CALN1: variants seen among roughly 807,000 people sequenced by gnomAD.
CALN1 encodes the protein calneuron 1.
A neutral mutation model predicts 30.6 loss-of-function variants in CALN1; 17 were observed. The ratio of observed to expected loss-of-function variants is 0.56; its 90% CI spans 0.38 to 0.83. The LOEUF (loss-of-function observed/expected upper bound fraction) is 0.83, where lower values mean the gene tolerates loss of function less well. Ranked by LOEUF, CALN1 falls within the 40% of genes least tolerant of loss-of-function variation. The probability of loss-of-function intolerance (pLI) is 0.00; values close to 1 mark genes in which losing one functional copy is unlikely to be tolerated. For synonymous variants in CALN1, 156 were observed against 131.4 expected (o/e 1.19, Z -1.28); for missense variants, 291 against 354.9 (o/e 0.82, Z 1.45).
rs559839727 is a variant in CALN1, at chr7:71,917,231, A to G, written c.501+106426T>C. Among the ~76,000 whole-genome samples, 16 of 152,332 alleles carry G rather than the reference A, an allele frequency of 1.1e-4. No homozygotes were observed. In the South Asian group the frequency reaches 3.3e-3, roughly 32 times the overall value. On this transcript the variant is annotated intron_variant, in intron 5 of 6. Coordinates refer to ENST00000395275, the MANE Select transcript of CALN1 (RefSeq NM_031468.4). ...CCATCAAAGGCTGAGGAACTTTCAGAAACAACAGGATGAGGCAGGTTGCCA... is the reference window on the plus strand; with the variant it reads ...CCATCAAAGGCTGAGGAACTTTCAGGAACAACAGGATGAGGCAGGTTGCCA...
intron 2 of CALN1, among the ~76,000 whole-genome samples, chr7:72,283,163 G>C (rs965443521): frequency 3.3e-5 from 5 of 151,964 alleles, no homozygotes; most frequent in African/African-American, 1.2e-4. Flanking sequence ...ACCTCTGTAA[G>C]CCTGTCTCCT....
In CALN1 at chr7:72,405,037, G is replaced by A. The variant is rs1806605396; in HGVS notation, c.-73-1595C>T. Among the ~76,000 whole-genome samples, 6 of 152,288 alleles carry A rather than the reference G, an allele frequency of 3.9e-5. No homozygotes were observed. The South Asian group carries it at 1.2e-3, about 32-fold the overall frequency. On this transcript the variant is annotated intron_variant, in intron 1 of 6. Transcript: ENST00000395275. ...CTCAGAGCTGGACCAGATGGTGTCT[G>A]GGTGCCCCAACCTCCGAGGTCTCTG...
chr7:72,184,636 TTTCTGG>T (rs1790054347), intron 3 of CALN1, among the ~76,000 whole-genome samples: 1 of 152,154 alleles, frequency 6.6e-6, no homozygotes, highest in South Asian at 2.1e-4. Flanking sequence ...GATGAGTGAT[TTTCTGG>T]TTCTTTTTCC....
chr7:72,499,826 CTTCTTTCTTTCT>C, the CALN1 span, among the ~76,000 whole-genome samples: 766 of 52,882 alleles, frequency 0.014, 10 homozygotes, highest in Middle Eastern at 0.036. Flanking sequence ...TCCTTCCTTC[CTTCTTTCTTTCT>C]TTCTTTCTTT....
intron 3 of CALN1, among the ~76,000 whole-genome samples, chr7:72,227,733 T>A (rs1041344625): frequency 6.6e-6 from 1 of 151,022 alleles, no homozygotes; most frequent in African/African-American, 2.4e-5. Flanking sequence ...ACCCTCTGAA[T>A]CTAAAATAAA....
At chr7:72,432,812 A>G (rs1159313354) in intron 1 of CALN1, among the ~76,000 whole-genome samples, 1 of 152,214 alleles carries the variant, frequency 6.6e-6, no homozygotes, top group Non-Finnish European at 1.5e-5. Context: ...AGCAAGCACC[A>G]GCTCTCACAT....
At chr7:71,986,171 C>CTGAGCAGCTGGGACCACAGGCATGTG (rs1364587802) in intron 5 of CALN1, among the ~76,000 whole-genome samples, 5 of 152,112 alleles carry the variant, frequency 3.3e-5, no homozygotes, top group African/African-American at 9.7e-5. Flanking sequence ...CGTCAGCCTC[C>CTGAGCAGCTGGGACCACAGGCATGTG]CGAGCAGCTG....
At chr7:71,996,068 G>C (rs1451435713) in intron 5 of CALN1, among the ~76,000 whole-genome samples, 2 of 152,090 alleles carry the variant, frequency 1.3e-5, no homozygotes, top group Non-Finnish European at 2.9e-5. Context: ...AAACCAGGCT[G>C]GCTAATAGAG....
the CALN1 span, among the ~76,000 whole-genome samples, chr7:72,472,812 C>G: frequency 2.6e-5 from 4 of 152,112 alleles, no homozygotes; most frequent in Non-Finnish European, 4.4e-5. Context: ...GTGTGTCACT[C>G]AGCCCAAACA....
chr7:72,399,715 T>TAC (rs1806211793), intron 2 of CALN1, among the ~76,000 whole-genome samples: 1 of 152,148 alleles, frequency 6.6e-6, no homozygotes, highest in African/African-American at 2.4e-5. Flanking sequence ...GAATAAGACA[T>TAC]ACATCTAATA....
chr7:72,222,501 T>C (rs370866696), intron 3 of CALN1, among the ~76,000 whole-genome samples: 12 of 152,200 alleles, frequency 7.9e-5, no homozygotes, highest in African/African-American at 2.9e-4. Flanking sequence ...AGGAGGATGG[T>C]GCTAAACCAT....
At chr7:71,820,050 T>A (rs1038681832) in intron 5 of CALN1, among the ~76,000 whole-genome samples, 8 of 152,340 alleles carry the variant, frequency 5.3e-5, no homozygotes, top group African/African-American at 1.9e-4. Context: ...AATGTTTCAA[T>A]TAACTAACAT....
chr7:72,178,651 T>G (rs1255584697), intron 3 of CALN1, among the ~76,000 whole-genome samples: 4 of 149,974 alleles, frequency 2.7e-5, no homozygotes, highest in Non-Finnish European at 5.9e-5. Flanking sequence ...ATCGCACTAA[T>G]GCACTCCAGC....
intron 2 of CALN1, among the ~76,000 whole-genome samples, chr7:72,332,342 C>G (rs1055283849): frequency 9.2e-5 from 14 of 151,752 alleles, no homozygotes; most frequent in African/African-American, 3.1e-4. Context: ...GTGGTAACTT[C>G]TGGGTGGTTG....
intron 3 of CALN1, among the ~76,000 whole-genome samples, chr7:72,274,450 G>A (rs965135381): frequency 4.0e-5 from 6 of 150,836 alleles, no homozygotes; most frequent in Non-Finnish European, 8.8e-5. Context: ...GGAGGTTGCA[G>A]TGAGCAAAGA....
chr7:72,238,680 GC>G (rs1386709943), intron 3 of CALN1, among the ~76,000 whole-genome samples: 1 of 152,070 alleles, frequency 6.6e-6, no homozygotes, highest in Non-Finnish European at 1.5e-5. Flanking sequence ...TTTTTAAGGG[GC>G]TTTTCCCCTC....
In CALN1 at chr7:72,384,466, G is replaced by C. The variant is rs559679236; in HGVS notation, c.119+18785C>G. On this transcript the variant is annotated intron_variant, in intron 2 of 6. Transcript: ENST00000395275. ...GAACTTATACCTTTTTATTAATTTG[G>C]GTTAATGAAAATTAATTCAAAATGG... 8.5e-5 allele frequency among the ~76,000 whole-genome samples: 13 copies of C among 152,108 alleles called. No homozygotes were observed. In the South Asian group the frequency reaches 2.3e-3, roughly 27 times the overall value.
chr7:72,109,884 G>A (rs1387798252), intron 3 of CALN1, among the ~76,000 whole-genome samples: 1 of 152,122 alleles, frequency 6.6e-6, no homozygotes, highest in African/African-American at 2.4e-5. Flanking sequence ...CTGAAAAAAT[G>A]GGTTAGGTGT....
intron 5 of CALN1, among the ~76,000 whole-genome samples, chr7:72,009,191 T>C (rs2129529082): frequency 6.6e-6 from 1 of 152,316 alleles, no homozygotes. Flanking sequence ...ACAGAATTTA[T>C]TATACATCAC....
Sources: gnomAD v4.1 joint callset for allele counts (sites outside exome capture counted in the v4.1 genomes callset) on GRCh38, gnomAD v4.1.1 for gene constraint, MANE v1.5 for transcripts, NCBI Gene and HGNC (gene_info 2026-07-23, HGNC 2026-07-21) for gene names.